Variants in DRD4 observed in about 807,000 individuals in gnomAD.
The protein encoded by DRD4 is dopamine receptor D4.
In DRD4, 26 loss-of-function variants were observed where a neutral mutation model predicts 22.1. The observed-to-expected ratio is 1.17, with a 90% CI of 0.86 to 1.63. The LOEUF (loss-of-function observed/expected upper bound fraction) is 1.63. Ranked by LOEUF, DRD4 falls within the 40% of genes most tolerant of loss-of-function variation. The pLI is 0.00. For missense variants in DRD4, 913 were observed against 632.4 expected, an observed-to-expected ratio of 1.44 and a Z score of -4.76; for synonymous variants, 455 against 306.7, an observed-to-expected ratio of 1.48 and a Z score of -5.05.
chr11:640,020 CT>C lies in DRD4; in HGVS notation c.772del (p.Cys258AlafsTer88). 1.6e-5 allele frequency: 20 copies of C among 1,220,830 alleles called. No individual in the cohort carries two copies. The highest frequency in any genetic ancestry group is 1.1e-4 in the East Asian group (3 of 26,506). 75.6% of individuals were successfully genotyped at this position (1,220,830 alleles called of 1,614,324 possible). A position where few individuals can be genotyped will look rare whatever the true frequency, so the allele number is the denominator to read the frequency against. ...PPAPRLPQDP[C>X]GPDCAPPAPG... ...CCGCGCCCCGCCTCCCCCAGGACCC[CT>C]GCGGCCCCGACTGTGCGCCCCCCGC... On this transcript the variant is annotated frameshift_variant, in exon 3 of 4. Coordinates refer to ENST00000176183, the MANE Select transcript of DRD4 (RefSeq NM_000797.4). LOFTEE classifies it high-confidence loss of function.
At chr11:639,370 G>T (rs1488246213) in intron 1 of DRD4, 63 bp from the exon 2 acceptor site, 8 of 1,363,030 alleles carry the variant, frequency 5.9e-6, no homozygotes, top group South Asian at 3.7e-5. Context: ...CATAAGAGTG[G>T]GGGCGGGTCA....
In DRD4 at chr11:637,586, C is replaced by G. The variant is rs1389238182; in HGVS notation, c.282C>G (p.Ser94=). The part of the protein sequence containing the change: ...ALLVLPLFVY[S]EVQGGAWLLS... Reference sequence around the variant, plus strand: ...TGGTGCTGCCGCTCTTCGTCTACTCCGAGGTGAGCCGCGTCCGGCCGCACG... The same window carrying G: ...TGGTGCTGCCGCTCTTCGTCTACTCGGAGGTGAGCCGCGTCCGGCCGCACG... The change falls in exon 1 of 4, where the codon TCC becomes TCG. Residue 94 remains serine, a synonymous_variant. Transcript: ENST00000176183. 12 of 1,546,954 alleles carry G rather than the reference C, an allele frequency of 7.8e-6. No homozygotes were observed. The South Asian group carries it at 9.5e-5, about 12-fold the overall frequency.
rs755391412 is a variant in DRD4, at chr11:639,885, C to G, written c.636C>G (p.Tyr212Ter). ...CCTGCCCGCTCATGCTGCTGCTCTA[C>G]TGGGCCACGTTCCGCGGCCTGCAGC... ...FLPCPLMLLL[Y>*]WATFRGLQRW... Residue 212 changes from tyrosine (Y) to a stop codon, truncating the protein, a stop_gained, in exon 3 of 4, where the codon TAC becomes TAG. Coordinates refer to ENST00000176183, the MANE Select transcript of DRD4 (RefSeq NM_000797.4). LOFTEE classifies it high-confidence loss of function. 6.3e-7 allele frequency: 1 copy of G among 1,575,192 alleles called. No individual in the cohort carries two copies. The highest frequency in any genetic ancestry group is 8.6e-7 in the Non-Finnish European group (1 of 1,167,660).
intron 1 of DRD4, among the ~76,000 whole-genome samples, chr11:637,937 C>G (rs1426389258): frequency 6.6e-6 from 1 of 152,192 alleles, no homozygotes; most frequent in Non-Finnish European, 1.5e-5. Context: ...TCCAGGGCAG[C>G]CAGCTGGACA....
At position 640,099 on chromosome 11, in the gene DRD4, A is replaced by C. The variant is rs34662058; in HGVS notation, c.850A>C (p.Ser284Arg). ...CGPDCAPAAP[S>R]LPQDPCGPDC... is the part of the protein sequence containing the mutation. Reference sequence around the variant, plus strand: ...CCCCGACTGTGCGCCCGCCGCGCCCAGCCTCCCCCAGGACCCCTGCGGCCC... The same window carrying C: ...CCCCGACTGTGCGCCCGCCGCGCCCCGCCTCCCCCAGGACCCCTGCGGCCC... The change falls in exon 3 of 4, where the codon AGC becomes CGC. Residue 284 changes from serine (S) to arginine (R), a missense_variant. By Grantham distance (110) the Ser-to-Arg change is moderately radical. Transcript: ENST00000176183. The C allele has an allele frequency of 7.8e-4, 753 of 965,700 alleles. 55 individuals are homozygous for C. Among genetic ancestry groups the C allele is most frequent in the South Asian group, 3.1e-3 (122 of 38,754 alleles). The allele number at this position is 965,700 out of a possible 1,614,324, so 59.8% of individuals were successfully genotyped here.
Position 639,718 on chromosome 11 carries a change from G to A in DRD4, c.469G>A (p.Gly157Ser), listed in dbSNP as rs1344700502. 9 of 1,503,474 alleles carry A rather than the reference G, an allele frequency of 6.0e-6. No homozygotes were observed. The highest frequency in any genetic ancestry group is 1.4e-5 in the African/African-American group (1 of 69,280). The allele number at this position is 1,503,474 out of a possible 1,614,324, so 93.1% of individuals were successfully genotyped here. ...GAGCCGCCGGCAGCTGCTGCTCATC[G>A]GCGCCACGTGGCTGCTGTCCGCGGC... ...GGSRRQLLLI[G>S]ATWLLSAAVA... Residue 157 changes from glycine to serine, a missense_variant, in exon 3 of 4, where the codon GGC (glycine) becomes AGC (serine). Coordinates refer to ENST00000176183, the MANE Select transcript of DRD4 (RefSeq NM_000797.4).
intron 1 of DRD4, 148 bp from the exon 2 acceptor site, chr11:639,285 G>A: frequency 1.4e-6 from 1 of 714,864 alleles, no homozygotes; most frequent in Non-Finnish European, 2.4e-6. Flanking sequence ...TGGGGAAGGG[G>A]TGTTTCCCTG....
chr11:639,996 C>T lies in DRD4; in HGVS notation c.747C>T (p.Pro249=), dbSNP rs763445202. The T allele has an allele frequency of 6.1e-6, 8 of 1,318,918 alleles. No individual in the cohort carries two copies. Among genetic ancestry groups the T allele is most frequent in the South Asian group, 2.2e-5 (1 of 45,846 alleles). 81.7% of individuals were successfully genotyped at this position (1,318,918 alleles called of 1,614,324 possible). Reference sequence around the variant, plus strand: ...CTGGCCCGCCTTCCCCCACGCCACCCGCGCCCCGCCTCCCCCAGGACCCCT... The same window carrying T: ...CTGGCCCGCCTTCCCCCACGCCACCTGCGCCCCGCCTCCCCCAGGACCCCT... ...SGPGPPSPTP[P]APRLPQDPCG... is the part of the protein sequence containing the mutation. Residue 249 remains proline (P), a synonymous_variant, in exon 3 of 4, where the codon CCC becomes CCT. Coordinates refer to ENST00000176183, the MANE Select transcript of DRD4 (RefSeq NM_000797.4).
At position 640,459 on chromosome 11, in the gene DRD4, T is replaced by C; in HGVS notation, c.1116T>C (p.Cys372=). 6.2e-7 allele frequency: 1 copy of C among 1,601,984 alleles called. No homozygotes were observed. The highest frequency in any genetic ancestry group is 8.5e-7 in the Non-Finnish European group (1 of 1,179,778). The change falls in exon 4 of 4, where the codon TGT becomes TGC. Residue 372 remains cysteine, a synonymous_variant. Coordinates refer to ENST00000176183, the MANE Select transcript of DRD4 (RefSeq NM_000797.4). The part of the protein sequence containing the change: ...FFVVHITQAL[C]PACSVPPRLV... Reference sequence around the variant, plus strand: ...TGGTGCACATCACGCAGGCGCTGTGTCCTGCCTGCTCCGTGCCCCCGCGGC... The same window carrying C: ...TGGTGCACATCACGCAGGCGCTGTGCCCTGCCTGCTCCGTGCCCCCGCGGC...
chr11:640,556 G>T lies in DRD4; in HGVS notation c.1213G>T (p.Ala405Ser). 6.2e-7 allele frequency: 1 copy of T among 1,600,406 alleles called. No homozygotes were observed. Residue 405 changes from alanine (A) to serine (S), a missense_variant, in exon 4 of 4, where the codon GCC becomes TCC. By Grantham distance (99) the Ala-to-Ser change is moderately conservative. Coordinates refer to ENST00000176183, the MANE Select transcript of DRD4 (RefSeq NM_000797.4). Reference sequence around the variant, plus strand: ...CCCCGTCATCTACACTGTCTTCAACGCCGAGTTCCGCAACGTCTTCCGCAA... The same window carrying T: ...CCCCGTCATCTACACTGTCTTCAACTCCGAGTTCCGCAACGTCTTCCGCAA... ...LNPVIYTVFN[A>S]EFRNVFRKAL... is the part of the protein sequence containing the mutation.
In DRD4 at chr11:639,982, T is replaced by C. The variant is rs1251336042; in HGVS notation, c.733T>C (p.Ser245Pro). ...CCGACCCAGCGGCCCTGGCCCGCCT[T>C]CCCCCACGCCACCCGCGCCCCGCCT... ...PRRPSGPGPP[S>P]PTPPAPRLPQ... is the part of the protein sequence containing the mutation. The change falls in exon 3 of 4, where the codon TCC becomes CCC. Residue 245 changes from serine (S) to proline (P), a missense_variant. By Grantham distance (74) the Ser-to-Pro change is moderately conservative. Transcript: ENST00000176183. 9.0e-6 allele frequency: 12 copies of C among 1,329,774 alleles called. No homozygotes were observed. Among genetic ancestry groups the C allele is most frequent in the Non-Finnish European group, 1.0e-5 (11 of 1,051,034 alleles). The allele number at this position is 1,329,774 out of a possible 1,614,324, so 82.4% of individuals were successfully genotyped here. A position where few individuals can be genotyped will look rare whatever the true frequency, so the allele number is the denominator to read the frequency against.
At chr11:638,520 G>A (rs920284231) in intron 1 of DRD4, among the ~76,000 whole-genome samples, 3 of 152,136 alleles carry the variant, frequency 2.0e-5, no homozygotes, top group African/African-American at 7.2e-5. Context: ...GGAGTCCTAC[G>A]CTGGGCACTG....
At position 640,102 on chromosome 11, in the gene DRD4, C is replaced by T. The variant is rs781365678; in HGVS notation, c.853C>T (p.Leu285Phe). 1.6e-6 allele frequency: 2 copies of T among 1,268,192 alleles called. No individual in the cohort carries two copies. The highest frequency in any genetic ancestry group is 3.2e-5 in the African/African-American group (2 of 63,474). The allele number at this position is 1,268,192 out of a possible 1,614,324, so 78.6% of individuals were successfully genotyped here. A position where few individuals can be genotyped will look rare whatever the true frequency, so the allele number is the denominator to read the frequency against. The change falls in exon 3 of 4, where the codon CTC (leucine) becomes TTC (phenylalanine). Residue 285 changes from leucine (L) to phenylalanine (F), a missense_variant. Leu to Phe is a conservative substitution (Grantham distance 22, BLOSUM62 0). Coordinates refer to ENST00000176183, the MANE Select transcript of DRD4 (RefSeq NM_000797.4). ...GPDCAPAAPS[L>F]PQDPCGPDCA... ...CGACTGTGCGCCCGCCGCGCCCAGC[C>T]TCCCCCAGGACCCCTGCGGCCCCGA...
Position 639,792 on chromosome 11 carries a change from C to T in DRD4, c.543C>T (p.Asp181=). Residue 181 remains aspartate, a synonymous_variant, in exon 3 of 4, where the codon GAC becomes GAT. Coordinates refer to ENST00000176183, the MANE Select transcript of DRD4 (RefSeq NM_000797.4). ...GCCTCAACGACGTGCGCGGCCGCGA[C>T]CCCGCCGTGTGCCGCCTGGAGGACC... ...LCGLNDVRGR[D]PAVCRLEDRD... is the part of the protein sequence containing the mutation. The T allele has an allele frequency of 2.5e-6, 4 of 1,580,178 alleles. No homozygotes were observed. The highest frequency in any genetic ancestry group is 3.4e-6 in the Non-Finnish European group (4 of 1,171,566).
Position 637,451 on chromosome 11 carries a change from C to A in DRD4, c.147C>A (p.Leu49=). 1 of 1,534,294 alleles carries A rather than the reference C, an allele frequency of 6.5e-7. No homozygotes were observed. The highest frequency in any genetic ancestry group is 8.7e-7 in the Non-Finnish European group (1 of 1,146,092). ...GCGTGCTGCTCATCGGCGCGGTGCTCGCGGGGAACTCGCTCGTGTGCGTGA... is the reference window on the plus strand; with the variant it reads ...GCGTGCTGCTCATCGGCGCGGTGCTAGCGGGGAACTCGCTCGTGTGCGTGA... ...VGGVLLIGAV[L]AGNSLVCVSV... is the part of the protein sequence containing the mutation. The change falls in exon 1 of 4, where the codon CTC becomes CTA. Residue 49 remains leucine (L), a synonymous_variant. Transcript: ENST00000176183.
intron 1 of DRD4, among the ~76,000 whole-genome samples, chr11:638,133 G>C (rs1858109318): frequency 6.6e-6 from 1 of 152,192 alleles, no homozygotes; most frequent in African/African-American, 2.4e-5. Context: ...GTGGGGACCA[G>C]GCCCCTGCTG....
Position 640,022 on chromosome 11 carries a change from G to C in DRD4, c.773G>C (p.Cys258Ser). The C allele has an allele frequency of 8.3e-7, 1 of 1,206,784 alleles. No homozygotes were observed. 74.8% of individuals were successfully genotyped at this position (1,206,784 alleles called of 1,614,324 possible). ...GCGCCCCGCCTCCCCCAGGACCCCT[G>C]CGGCCCCGACTGTGCGCCCCCCGCG... ...PPAPRLPQDP[C>S]GPDCAPPAPG... Residue 258 changes from cysteine (C) to serine (S), a missense_variant, in exon 3 of 4, where the codon TGC becomes TCC. By Grantham distance (112) the Cys-to-Ser change is moderately radical (BLOSUM62 -1). Coordinates refer to ENST00000176183, the MANE Select transcript of DRD4 (RefSeq NM_000797.4).
chr11:639,784 G>T lies in DRD4; in HGVS notation c.535G>T (p.Gly179Cys). The change falls in exon 3 of 4, where the codon GGC becomes TGC. Residue 179 changes from glycine (G) to cysteine (C), a missense_variant. By Grantham distance (159) the Gly-to-Cys change is radical (BLOSUM62 -3). Coordinates refer to ENST00000176183, the MANE Select transcript of DRD4 (RefSeq NM_000797.4). ...PVLCGLNDVR[G>C]RDPAVCRLED... ...ACTGTGCGGCCTCAACGACGTGCGC[G>T]GCCGCGACCCCGCCGTGTGCCGCCT... 2 of 1,578,314 alleles carry T rather than the reference G, an allele frequency of 1.3e-6. No individual in the cohort carries two copies. Among genetic ancestry groups the T allele is most frequent in the Non-Finnish European group, 1.7e-6 (2 of 1,170,904 alleles).
chr11:639,972 T>C lies in DRD4; in HGVS notation c.723T>C (p.Pro241=), dbSNP rs1474769762. The change falls in exon 3 of 4, where the codon CCT becomes CCC. Residue 241 remains proline, a synonymous_variant. Transcript: ENST00000176183. ...HGRAPRRPSG[P]GPPSPTPPAP... Reference sequence around the variant, plus strand: ...GCGCGCCCCGCCGACCCAGCGGCCCTGGCCCGCCTTCCCCCACGCCACCCG... The same window carrying C: ...GCGCGCCCCGCCGACCCAGCGGCCCCGGCCCGCCTTCCCCCACGCCACCCG... 1.2e-5 allele frequency: 17 copies of C among 1,380,118 alleles called. No homozygotes were observed. Among genetic ancestry groups the C allele is most frequent in the African/African-American group, 1.6e-5 (1 of 60,848 alleles). The allele number at this position is 1,380,118 out of a possible 1,614,324, so 85.5% of individuals were successfully genotyped here. A position where few individuals can be genotyped will look rare whatever the true frequency, so the allele number is the denominator to read the frequency against.
Sources: gnomAD v4.1 joint callset for allele counts (sites outside exome capture counted in the v4.1 genomes callset) on GRCh38, gnomAD v4.1.1 for gene constraint, MANE v1.5 for transcripts, NCBI Gene and HGNC (gene_info 2026-07-23, HGNC 2026-07-21) for gene names.